Variants in PLA2G4A observed in about 807,000 individuals in gnomAD.
The protein encoded by PLA2G4A is phospholipase A2 group IVA.
In PLA2G4A, 40 loss-of-function variants were observed where a neutral mutation model predicts 81.9. The observed-to-expected ratio is 0.49, with a 90% CI of 0.38 to 0.64. The LOEUF (loss-of-function observed/expected upper bound fraction) is 0.64, where lower values mean the gene tolerates loss of function less well. Among genes scored for constraint, PLA2G4A ranks in the 30% least tolerant of loss-of-function variants. The pLI is 0.00. For missense variants in PLA2G4A, 715 were observed against 905.1 expected (o/e 0.79, Z 2.69); for synonymous variants, 302 against 296.9 (o/e 1.02, Z -0.18).
intron 14 of PLA2G4A, among the ~76,000 whole-genome samples, chr1:186,963,917 A>G (rs1036303932): frequency 3.3e-5 from 5 of 152,176 alleles, no homozygotes; most frequent in African/African-American, 1.2e-4. Context: ...AGGATTATGG[A>G]TTTAATTGGA....
intron 13 of PLA2G4A, among the ~76,000 whole-genome samples, chr1:186,954,556 T>G (rs547867883): frequency 6.6e-6 from 1 of 152,222 alleles, no homozygotes; most frequent in East Asian, 1.9e-4. Flanking sequence ...ACCTGCACAT[T>G]GTGCACATGT....
intron 7 of PLA2G4A, among the ~76,000 whole-genome samples, chr1:186,925,790 A>C (rs914316570): frequency 6.6e-6 from 1 of 152,208 alleles, no homozygotes; most frequent in Non-Finnish European, 1.5e-5. Context: ...GTACTTAAAA[A>C]AATTCTTGTA....
chr1:186,899,554 G>C (rs991501436), intron 5 of PLA2G4A, among the ~76,000 whole-genome samples: 7 of 152,188 alleles, frequency 4.6e-5, no homozygotes, highest in Non-Finnish European at 1.0e-4. Flanking sequence ...AGACAAGTTT[G>C]ATGGGAACAG....
intron 2 of PLA2G4A, among the ~76,000 whole-genome samples, chr1:186,868,330 C>T (rs533814023): frequency 4.6e-5 from 7 of 152,046 alleles, no homozygotes; most frequent in South Asian, 2.1e-4. Flanking sequence ...CGCCCGCTTC[C>T]GCCTCCCAAA....
chr1:186,945,598 G>A (rs767848921), intron 10 of PLA2G4A, among the ~76,000 whole-genome samples: 14 of 152,200 alleles, frequency 9.2e-5, no homozygotes, highest in Middle Eastern at 3.4e-3. Context: ...AACATACCTC[G>A]TGATAGAGCC....
At chr1:186,887,966 A>G (rs1653994441) in intron 3 of PLA2G4A, among the ~76,000 whole-genome samples, 2 of 152,186 alleles carry the variant, frequency 1.3e-5, no homozygotes, top group Admixed American at 6.5e-5. Context: ...TTAGCTTACA[A>G]TGATTAGAGC....
At chr1:186,943,543 A>C (rs758649796) in intron 10 of PLA2G4A, among the ~76,000 whole-genome samples, 1 of 152,190 alleles carries the variant, frequency 6.6e-6, no homozygotes, top group Non-Finnish European at 1.5e-5. Flanking sequence ...AAGTGTGTAG[A>C]CCTGACATAA....
chr1:186,919,591 T>G (rs1230570853), intron 7 of PLA2G4A, among the ~76,000 whole-genome samples: 7 of 152,034 alleles, frequency 4.6e-5, no homozygotes, highest in African/African-American at 1.7e-4. Context: ...CTGAACATAG[T>G]AGGGGAGTTC....
At chr1:186,841,293 T>C (rs1250801109) in intron 1 of PLA2G4A, among the ~76,000 whole-genome samples, 1 of 152,216 alleles carries the variant, frequency 6.6e-6, no homozygotes, top group Admixed American at 6.5e-5. Context: ...CAGTTATTTG[T>C]TTTCCTCAAA....
chr1:186,830,445 T>C (rs1376466691), intron 1 of PLA2G4A, among the ~76,000 whole-genome samples: 2 of 151,538 alleles, frequency 1.3e-5, no homozygotes, highest in African/African-American at 4.8e-5. Flanking sequence ...CCATCTCTAC[T>C]AAAAATAGAA....
chr1:186,832,440 T>C (rs963270988), intron 1 of PLA2G4A, among the ~76,000 whole-genome samples: 2 of 152,082 alleles, frequency 1.3e-5, no homozygotes, highest in Admixed American at 6.6e-5. Context: ...TTTAGCGAAA[T>C]CTCATGGAAT....
At chr1:186,978,769 T>C (rs1657618908) in intron 16 of PLA2G4A, among the ~76,000 whole-genome samples, 1 of 152,136 alleles carries the variant, frequency 6.6e-6, no homozygotes, top group South Asian at 2.1e-4. Flanking sequence ...CAAGTGCAAA[T>C]AGTTTATTTA....
chr1:186,963,528 A>G (rs1657030206), intron 14 of PLA2G4A, among the ~76,000 whole-genome samples: 1 of 152,178 alleles, frequency 6.6e-6, no homozygotes, highest in Admixed American at 6.5e-5. Flanking sequence ...TTATTTAGCC[A>G]TATTACCTTA....
intron 1 of PLA2G4A, among the ~76,000 whole-genome samples, chr1:186,830,497 A>G (rs1295092186): frequency 1.3e-5 from 2 of 150,612 alleles, no homozygotes; most frequent in Admixed American, 6.7e-5. Flanking sequence ...AATCCCAGCT[A>G]CTTGGGAGGC....
At chr1:186,897,882 G>A (rs1038152223) in intron 5 of PLA2G4A, among the ~76,000 whole-genome samples, 7 of 152,110 alleles carry the variant, frequency 4.6e-5, no homozygotes, top group Admixed American at 2.0e-4. Context: ...ATGATACTAA[G>A]GTTTGGGCTT....
chr1:186,909,288 G>A (rs1416248615), intron 6 of PLA2G4A, among the ~76,000 whole-genome samples: 1 of 150,334 alleles, frequency 6.7e-6, no homozygotes, highest in African/African-American at 2.4e-5. Context: ...ATTTCTTATA[G>A]TGTTTAGAAG....
At chr1:186,930,386 C>T (rs1388506936) in intron 7 of PLA2G4A, among the ~76,000 whole-genome samples, 1 of 152,170 alleles carries the variant, frequency 6.6e-6, no homozygotes, top group East Asian at 1.9e-4. Context: ...TAATAGGAGG[C>T]TGTTTCCAGA....
chr1:186,845,204 C>CA (rs1351057492), intron 1 of PLA2G4A, among the ~76,000 whole-genome samples: 1 of 151,612 alleles, frequency 6.6e-6, no homozygotes, highest in African/African-American at 2.4e-5. Context: ...GAGACTCCAT[C>CA]AAAAAAACAA....
intron 1 of PLA2G4A, among the ~76,000 whole-genome samples, chr1:186,835,539 TTAA>T (rs1651747751): frequency 1.3e-5 from 2 of 152,208 alleles, no homozygotes; most frequent in Admixed American, 1.3e-4. Context: ...TTATGATTTC[TTAA>T]TATCCATTAG....
Sources: gnomAD v4.1 joint callset for allele counts (sites outside exome capture counted in the v4.1 genomes callset) on GRCh38, gnomAD v4.1.1 for gene constraint, MANE v1.5 for transcripts, NCBI Gene and HGNC (gene_info 2026-07-23, HGNC 2026-07-21) for gene names.